EHMT1: variants seen among roughly 807,000 people sequenced by gnomAD.
The protein encoded by EHMT1 is histone-lysine N-methyltransferase EHMT1.
EHMT1 carries 15 observed loss-of-function variants against 147.2 expected under a neutral mutation model. That is an observed-to-expected ratio of 0.10 (90% CI 0.07 to 0.16). EHMT1 has a LOEUF of 0.16. EHMT1 is among the 10% of genes least tolerant of loss of function. The pLI, the probability that EHMT1 is intolerant of heterozygous loss-of-function variation, is 1.00. For missense variants in EHMT1, 1,587 were observed against 1,772.4 expected (o/e 0.90, Z 1.88); for synonymous variants, 795 against 709.6 (o/e 1.12, Z -1.91).
At chr9:137,697,181 T>C (rs1347252453) in intron 1 of EHMT1, 2 of 338,724 alleles carry the variant, frequency 5.9e-6, no homozygotes, top group East Asian at 1.3e-4. Flanking sequence ...CTTGGGAGGC[T>C]GAGGCAGGAG....
intron 10 of EHMT1, among the ~76,000 whole-genome samples, chr9:137,770,300 A>T (rs1285928244): frequency 6.6e-6 from 1 of 152,080 alleles, no homozygotes; most frequent in Non-Finnish European, 1.5e-5. Context: ...ATTATTCACC[A>T]GTTCTTCCTT....
intron 4 of EHMT1, among the ~76,000 whole-genome samples, chr9:137,741,056 A>C: frequency 6.6e-6 from 1 of 151,348 alleles, no homozygotes; most frequent in Non-Finnish European, 1.5e-5. Flanking sequence ...GGCTCACTGC[A>C]AGCTCCGCCT....
chr9:137,678,540 G>A (rs575928340), intron 1 of EHMT1, among the ~76,000 whole-genome samples: 10 of 152,084 alleles, frequency 6.6e-5, no homozygotes, highest in African/African-American at 2.4e-5. Context: ...CTGTCTCGCC[G>A]CGTTGGGATA....
At position 137,775,011 on chromosome 9, in the gene EHMT1, G is replaced by C; in HGVS notation, c.1648-98G>C. ...TCGGCTCAGTCAGCCCACACCTGCT[G>C]AGCAGCTCTTGTGTGCCTGCACTGC... On this transcript the variant is annotated intron_variant, in intron 10 of 26. Transcript: ENST00000460843. This position sits in a 1 kb window ranked among gnomAD's most constrained non-coding sequence, Gnocchi z 6.1. The C allele has an allele frequency of 1.3e-6, 2 of 1,572,518 alleles. No individual in the cohort carries two copies. The highest frequency in any genetic ancestry group is 1.1e-5 in the South Asian group (1 of 89,660).
chr9:137,646,813 C>T (rs1335104081), intron 1 of EHMT1, among the ~76,000 whole-genome samples: 1 of 152,162 alleles, frequency 6.6e-6, no homozygotes, highest in African/African-American at 2.4e-5. Context: ...TATTCATGTT[C>T]AGCTTCTTCC....
At chr9:137,714,064 A>G (rs151025316) in intron 2 of EHMT1, among the ~76,000 whole-genome samples, 1,775 of 152,362 alleles carry the variant, frequency 0.012, 13 homozygotes, top group Middle Eastern at 0.02. Context: ...GAATTTCTGC[A>G]TAAAAGCTTG....
In EHMT1 at chr9:137,728,507, G is replaced by A. The variant is rs1170026812; in HGVS notation, c.801G>A (p.Met267Ile). Residue 267 changes from methionine (M) to isoleucine (I), a missense_variant, in exon 4 of 27, where the codon ATG (methionine) becomes ATA (isoleucine). Around this residue, in one of 7 missense-constraint regions of EHMT1, gnomAD observed 810 missense variants for 673.0 expected, o/e 1.20. Coordinates refer to ENST00000460843, the MANE Select transcript of EHMT1 (RefSeq NM_024757.5). ...CGCTACCTCAGAACCAGTGCTACAT[G>A]GCCACCACAAAATCACAGACAGGTA... The part of the protein sequence containing the change: ...HQSLPQNQCY[M>I]ATTKSQTACL... 1 of 1,614,088 alleles carries A rather than the reference G, an allele frequency of 6.2e-7. No individual in the cohort carries two copies. The highest frequency in any genetic ancestry group is 8.5e-7 in the Non-Finnish European group (1 of 1,180,024).
intron 25 of EHMT1, among the ~76,000 whole-genome samples, chr9:137,827,903 A>G (rs1187141852): frequency 6.6e-6 from 1 of 152,184 alleles, no homozygotes; most frequent in Non-Finnish European, 1.5e-5. Context: ...ACAGGAGGGT[A>G]CATTTAAAGC....
intron 1 of EHMT1, among the ~76,000 whole-genome samples, chr9:137,674,516 T>G (rs1341663146): frequency 6.6e-6 from 1 of 152,240 alleles, no homozygotes; most frequent in African/African-American, 2.4e-5. Context: ...GTGTTCTGTC[T>G]GGTCTAGAAG....
chr9:137,644,328 CT>C (rs34190370), intron 1 of EHMT1, among the ~76,000 whole-genome samples: 2,684 of 145,120 alleles, frequency 0.018, 20 homozygotes, highest in Middle Eastern at 0.043. Flanking sequence ...CAGTCACATA[CT>C]TTTTTTTTTT....
chr9:137,773,513 C>T (rs1343252693), intron 10 of EHMT1, among the ~76,000 whole-genome samples: 2 of 152,190 alleles, frequency 1.3e-5, no homozygotes, highest in Non-Finnish European at 1.5e-5. Context: ...CTGGGCGTGC[C>T]CTGCAGCCAC....
chr9:137,760,961 C>T (rs373103745), intron 9 of EHMT1, among the ~76,000 whole-genome samples: 6 of 152,166 alleles, frequency 3.9e-5, no homozygotes, highest in Non-Finnish European at 7.4e-5. Flanking sequence ...GAGCTGAGAT[C>T]GCACCACTGC....
At chr9:137,814,549 C>A in intron 22 of EHMT1, 41 bp downstream of exon 22, 1 of 1,595,454 alleles carries the variant, frequency 6.3e-7, no homozygotes, top group Non-Finnish European at 8.5e-7. Flanking sequence ...GTGGTAAGTG[C>A]CGCTGGTCCG....
intron 3 of EHMT1, among the ~76,000 whole-genome samples, chr9:137,718,457 C>T (rs1035770839): frequency 6.6e-6 from 1 of 152,246 alleles, no homozygotes; most frequent in African/African-American, 2.4e-5. Flanking sequence ...AGATCGTTTG[C>T]TCTTTCCCCT....
At chr9:137,777,471 A>C in intron 12 of EHMT1, 1 of 238,984 alleles carries the variant, frequency 4.2e-6, no homozygotes, top group South Asian at 6.0e-5. Context: ...AAGAACTTAA[A>C]TGTGACACTA....
intron 26 of EHMT1, 90 bp downstream of exon 26, chr9:137,834,614 G>C (rs1588948700): frequency 6.3e-7 from 1 of 1,598,140 alleles, no homozygotes; most frequent in East Asian, 2.3e-5. Context: ...GCTTGTCTCG[G>C]GTTTATGCTA....
intron 1 of EHMT1, among the ~76,000 whole-genome samples, chr9:137,696,774 A>G (rs1395723018): frequency 6.6e-6 from 1 of 152,122 alleles, no homozygotes; most frequent in Non-Finnish European, 1.5e-5. Flanking sequence ...TAATATGTGA[A>G]AGTTGACACA....
intron 1 of EHMT1, among the ~76,000 whole-genome samples, chr9:137,645,547 C>CT (rs1467899478): frequency 3.3e-5 from 5 of 152,132 alleles, no homozygotes; most frequent in Admixed American, 3.3e-4. Context: ...TTGGTAATTG[C>CT]TATTAAAAGA....
intron 1 of EHMT1, among the ~76,000 whole-genome samples, chr9:137,620,754 C>T (rs745435527): frequency 7.2e-5 from 11 of 152,134 alleles, no homozygotes; most frequent in Non-Finnish European, 1.3e-4. Context: ...GTTGTAGGAC[C>T]AGCACTAGTA....
Sources: allele counts gnomAD v4.1 joint callset (sites outside exome capture counted in the v4.1 genomes callset), GRCh38; gene constraint gnomAD v4.1.1; regional missense constraint gnomAD v4.1.1; non-coding constraint Gnocchi (gnomAD v3.1); transcripts MANE v1.5; gene names NCBI Gene and HGNC (gene_info 2026-07-23, HGNC 2026-07-21).